The following KLF12 variants were observed in gnomAD, a reference collection of about 807,000 sequenced individuals.
KLF12 encodes the protein KLF transcription factor 12.
Under a neutral mutation model 37.8 loss-of-function variants are expected in KLF12, and 9 were observed. The observed-to-expected ratio is 0.24, with a 90% confidence interval of 0.14 to 0.42. The LOEUF (loss-of-function observed/expected upper bound fraction) is 0.42. Among genes scored for constraint, KLF12 ranks in the 10% least tolerant of loss-of-function variants. The pLI, the probability that KLF12 is intolerant of heterozygous loss-of-function variation, is 1.00. For synonymous variants in KLF12, 208 were observed against 202.1 expected, an observed-to-expected ratio of 1.03 and a Z score of -0.25; for missense variants, 411 against 516.0, an observed-to-expected ratio of 0.80 and a Z score of 1.97.
At chr13:73,709,524 T>C (rs910786632) in intron 7 of KLF12, among the ~76,000 whole-genome samples, 7 of 152,210 alleles carry the variant, frequency 4.6e-5, no homozygotes, top group African/African-American at 1.4e-4. Flanking sequence ...TTGAACACTG[T>C]TACAAAATCT....
chr13:74,159,181 A>T, the KLF12 span, among the ~76,000 whole-genome samples: 2 of 152,138 alleles, frequency 1.3e-5, no homozygotes. Context: ...TTCACTGGAG[A>T]TCCCTGTGCC....
intron 5 of KLF12, among the ~76,000 whole-genome samples, chr13:73,769,679 T>A (rs1880146272): frequency 6.6e-6 from 1 of 152,126 alleles, no homozygotes; most frequent in Non-Finnish European, 1.5e-5. Flanking sequence ...TTTCTTAATA[T>A]CAACCTTTCT....
At chr13:74,121,383 G>A (rs566699981) in intron 1 of KLF12, among the ~76,000 whole-genome samples, 6 of 151,922 alleles carry the variant, frequency 3.9e-5, no homozygotes, top group East Asian at 1.9e-4. Context: ...ATTATACGAC[G>A]TTATGAATAC....
At chr13:73,773,383 C>T (rs559201601) in intron 5 of KLF12, among the ~76,000 whole-genome samples, 1 of 152,284 alleles carries the variant, frequency 6.6e-6, no homozygotes, top group East Asian at 1.9e-4. Flanking sequence ...AACGTCAGGA[C>T]AGAAAAGAGT....
the KLF12 span, among the ~76,000 whole-genome samples, chr13:74,165,995 A>G: frequency 2.3e-3 from 356 of 151,618 alleles, 1 homozygote; most frequent in African/African-American, 7.9e-3. Flanking sequence ...TATGAGATCT[A>G]TTATGTATAA....
chr13:74,129,102 T>C (rs1878114414), intron 1 of KLF12, among the ~76,000 whole-genome samples: 1 of 152,196 alleles, frequency 6.6e-6, no homozygotes, highest in African/African-American at 2.4e-5. Context: ...CCACAGCAGA[T>C]ACCAAAATCC....
intron 5 of KLF12, among the ~76,000 whole-genome samples, chr13:73,807,642 T>C (rs1294322195): frequency 2.0e-5 from 3 of 152,172 alleles, no homozygotes; most frequent in African/African-American, 7.2e-5. Context: ...ACTAACACTA[T>C]CAACTGAGCA....
chr13:73,885,384 C>A (rs951601412), intron 3 of KLF12, among the ~76,000 whole-genome samples: 1 of 152,194 alleles, frequency 6.6e-6, no homozygotes, highest in African/African-American at 2.4e-5. Context: ...TCCAAATACA[C>A]CCCATATTGG....
chr13:73,739,443 G>T (rs1877791641), intron 6 of KLF12, among the ~76,000 whole-genome samples: 1 of 151,946 alleles, frequency 6.6e-6, no homozygotes, highest in Non-Finnish European at 1.5e-5. Context: ...TTACCTCAAG[G>T]GAAATTGCAA....
At chr13:74,233,513 A>G in the KLF12 span, among the ~76,000 whole-genome samples, 7 of 152,374 alleles carry the variant, frequency 4.6e-5, no homozygotes, top group East Asian at 1.3e-3. Flanking sequence ...ATGCAGATTC[A>G]TAATCTGTAA....
the KLF12 span, among the ~76,000 whole-genome samples, chr13:74,162,621 C>T: frequency 2.1e-4 from 32 of 152,176 alleles, no homozygotes; most frequent in African/African-American, 7.5e-4. Flanking sequence ...CTTCGTTGCT[C>T]TCTTACCTCT....
the KLF12 span, among the ~76,000 whole-genome samples, chr13:74,262,257 G>A: frequency 1.3e-5 from 2 of 152,292 alleles, no homozygotes; most frequent in East Asian, 1.9e-4. Flanking sequence ...CACTGTGAAA[G>A]GCATCACTCA....
At chr13:73,882,563 G>C (rs1189183149) in intron 3 of KLF12, among the ~76,000 whole-genome samples, 1 of 152,160 alleles carries the variant, frequency 6.6e-6, no homozygotes, top group African/African-American at 2.4e-5. Context: ...CAGGCTGCAT[G>C]AGAAATGTCA....
At chr13:73,914,909 A>G (rs947803523) in intron 3 of KLF12, among the ~76,000 whole-genome samples, 5 of 152,016 alleles carry the variant, frequency 3.3e-5, no homozygotes, top group Non-Finnish European at 7.4e-5. Flanking sequence ...TACATTCTGT[A>G]TTAGTTTCCT....
At chr13:74,216,030 C>T in the KLF12 span, among the ~76,000 whole-genome samples, 1 of 152,084 alleles carries the variant, frequency 6.6e-6, no homozygotes, top group African/African-American at 2.4e-5. Context: ...CACAAGAGCC[C>T]CTTCCACTCT....
At chr13:73,884,314 G>GCAAATA (rs1887117098) in intron 3 of KLF12, among the ~76,000 whole-genome samples, 1 of 152,080 alleles carries the variant, frequency 6.6e-6, no homozygotes, top group African/African-American at 2.4e-5. Context: ...TTAGGCTAGC[G>GCAAATA]CAAATACGGC....
At chr13:74,018,917 T>C (rs369341098) in intron 1 of KLF12, among the ~76,000 whole-genome samples, 1 of 152,210 alleles carries the variant, frequency 6.6e-6, no homozygotes, top group Admixed American at 6.5e-5. Flanking sequence ...CAAGGCCTAT[T>C]ACACTGAAAA....
the KLF12 span, among the ~76,000 whole-genome samples, chr13:74,239,338 G>A: frequency 2.1e-5 from 3 of 144,758 alleles, no homozygotes; most frequent in Non-Finnish European, 4.6e-5. Context: ...TTTTACATTT[G>A]CTGAGGAGAG....
At chr13:74,227,027 C>T in the KLF12 span, among the ~76,000 whole-genome samples, 10 of 152,088 alleles carry the variant, frequency 6.6e-5, no homozygotes, top group Non-Finnish European at 1.2e-4. Flanking sequence ...GCACTGGTTT[C>T]GTCATGTTTC....
Sources: gnomAD v4.1 joint callset for allele counts (sites outside exome capture counted in the v4.1 genomes callset) on GRCh38, gnomAD v4.1.1 for gene constraint, MANE v1.5 for transcripts, NCBI Gene and HGNC (gene_info 2026-07-23, HGNC 2026-07-21) for gene names.